Variants in ADGRL2 observed in about 807,000 individuals in gnomAD.
ADGRL2 encodes calcium-independent alpha-latrotoxin receptor 2.
In ADGRL2, 44 loss-of-function variants were observed where a neutral mutation model predicts 157.4. The ratio of observed to expected loss-of-function variants is 0.28; its 90% CI spans 0.22 to 0.36. The LOEUF is 0.36. Ranked by LOEUF, ADGRL2 falls within the 10% of genes least tolerant of loss-of-function variation. ADGRL2 has a pLI of 1.00. For missense variants in ADGRL2, 1,510 were observed against 1,768.9 expected (o/e 0.85, Z 2.63); for synonymous variants, 585 against 624.7 (o/e 0.94, Z 0.95).
At chr1:81,486,977 T>A (rs558863532) in intron 2 of ADGRL2, among the ~76,000 whole-genome samples, 2 of 150,458 alleles carry the variant, frequency 1.3e-5, no homozygotes, top group South Asian at 4.2e-4. Flanking sequence ...AAAAGTGGGC[T>A]GGGCATGGTG....
intron 1 of ADGRL2, among the ~76,000 whole-genome samples, chr1:81,809,219 T>C (rs2089545933): frequency 6.6e-6 from 1 of 152,004 alleles, no homozygotes; most frequent in Admixed American, 6.6e-5. Flanking sequence ...AAATTAGTTA[T>C]CTTAAAAGAA....
intron 3 of ADGRL2, among the ~76,000 whole-genome samples, chr1:81,664,641 C>T (rs943065093): frequency 3.3e-5 from 5 of 152,114 alleles, no homozygotes; most frequent in African/African-American, 1.2e-4. Context: ...AAAGAACACA[C>T]GCTGAAGTTT....
chr1:81,944,887 G>A (rs1649294257), intron 6 of ADGRL2, among the ~76,000 whole-genome samples: 1 of 151,940 alleles, frequency 6.6e-6, no homozygotes, highest in Admixed American at 6.6e-5. Flanking sequence ...CATACGGTCA[G>A]GACCTCAAAA....
chr1:81,987,064 T>G (rs776299034), intron 22 of ADGRL2, 35 bp downstream of exon 22: 2 of 1,606,338 alleles, frequency 1.2e-6, no homozygotes, highest in Admixed American at 3.4e-5. Flanking sequence ...TACCTTTCTT[T>G]GCTGCTAAAC....
intron 11 of ADGRL2, 121 bp from the exon 12 acceptor site, chr1:81,965,937 G>A (rs1656908608): frequency 9.8e-7 from 1 of 1,023,426 alleles, no homozygotes; most frequent in Admixed American, 2.5e-5. Flanking sequence ...AAACCTAACA[G>A]TAAAATTTTT....
intron 2 of ADGRL2, among the ~76,000 whole-genome samples, chr1:81,845,438 A>T (rs1487148779): frequency 1.3e-5 from 2 of 152,040 alleles, no homozygotes; most frequent in Non-Finnish European, 2.9e-5. Context: ...CTATGTGCAC[A>T]CATTGATGAC....
chr1:81,966,434 G>A lies in ADGRL2; in HGVS notation c.2174G>A (p.Arg725Gln), dbSNP rs538105960. Residue 725 changes from arginine to glutamine, a missense_variant, in exon 13 of 24, where the codon CGG becomes CAG. Physicochemically the swap from Arg to Gln is conservative, Grantham distance 43 (BLOSUM62 1). This residue lies in a region of ADGRL2 where 497 missense variants were observed against 627.2 expected (regional missense o/e 0.79). Coordinates refer to ENST00000686636, the MANE Select transcript of ADGRL2 (RefSeq NM_001366006.2). ...GLAKLVFIIY[R>Q]SLGQFLSTEN... ...GCAAAGTTGGTGTTCATCATTTACC[G>A]GAGCCTGGGACAGTTCCTTAGTACA... 25 of 1,613,898 alleles carry A rather than the reference G, an allele frequency of 1.5e-5. No individual in the cohort carries two copies. The highest frequency in any genetic ancestry group is 6.7e-5 in the Admixed American group (4 of 59,996).
intron 2 of ADGRL2, among the ~76,000 whole-genome samples, chr1:81,474,950 T>TAGTTCCTAACCTTTTCTAAGA (rs1553168256): frequency 2.6e-5 from 4 of 152,160 alleles, no homozygotes; most frequent in Non-Finnish European, 5.9e-5. Context: ...GCCACCAGTA[T>TAGTTCCTAACCTTTTCTAAGA]AGTTCCTAAC....
intron 1 of ADGRL2, among the ~76,000 whole-genome samples, chr1:81,333,047 G>A (rs960085594): frequency 6.6e-6 from 1 of 152,074 alleles, no homozygotes; most frequent in African/African-American, 2.4e-5. Context: ...TATAACTTTG[G>A]GCAAATCATG....
chr1:81,863,076 T>C (rs549019463), intron 2 of ADGRL2, among the ~76,000 whole-genome samples: 2 of 152,300 alleles, frequency 1.3e-5, no homozygotes, highest in East Asian at 1.9e-4. Flanking sequence ...TTAAAAATTT[T>C]ATGGGGGAGT....
chr1:81,505,944 G>A (rs1271743416), intron 2 of ADGRL2: 2 of 249,928 alleles, frequency 8.0e-6, no homozygotes, highest in Non-Finnish European at 1.6e-5. Context: ...CAAATACTCT[G>A]CAAAGATCAT....
intron 3 of ADGRL2, among the ~76,000 whole-genome samples, chr1:81,672,448 AC>A (rs1326787002): frequency 6.6e-6 from 1 of 152,242 alleles, no homozygotes; most frequent in Non-Finnish European, 1.5e-5. Flanking sequence ...CTAAAAAAGC[AC>A]TTGGCATAGA....
intron 1 of ADGRL2, among the ~76,000 whole-genome samples, chr1:81,407,953 T>C (rs1327526064): frequency 6.6e-6 from 1 of 152,238 alleles, no homozygotes; most frequent in Non-Finnish European, 1.5e-5. Context: ...TTTGTTTGTT[T>C]GTTTCACTAT....
chr1:81,764,467 C>G (rs1240363308), intron 2 of ADGRL2, among the ~76,000 whole-genome samples: 1 of 152,070 alleles, frequency 6.6e-6, no homozygotes, highest in East Asian at 1.9e-4. Context: ...AAAAAAGTCT[C>G]TAGCATGCAT....
chr1:81,765,268 T>A (rs2086073897), intron 2 of ADGRL2, among the ~76,000 whole-genome samples: 1 of 152,018 alleles, frequency 6.6e-6, no homozygotes, highest in Non-Finnish European at 1.5e-5. Flanking sequence ...AATGTTTAAA[T>A]ATATAATTTC....
At chr1:81,437,818 T>C (rs1442214885) in intron 1 of ADGRL2, among the ~76,000 whole-genome samples, 1 of 152,202 alleles carries the variant, frequency 6.6e-6, no homozygotes, top group Non-Finnish European at 1.5e-5. Context: ...ATGACAATAA[T>C]AGAACTGAAT....
chr1:81,650,356 G>A (rs1557536390), intron 3 of ADGRL2, among the ~76,000 whole-genome samples: 1 of 151,882 alleles, frequency 6.6e-6, no homozygotes, highest in Non-Finnish European at 1.5e-5. Flanking sequence ...AGGATCACAA[G>A]GTCAAGAGAT....
At chr1:81,470,495 A>AG (rs2078148888) in intron 2 of ADGRL2, among the ~76,000 whole-genome samples, 1 of 152,030 alleles carries the variant, frequency 6.6e-6, no homozygotes, top group Non-Finnish European at 1.5e-5. Context: ...TTGCTAGGTC[A>AG]CCACCTTGAA....
At chr1:81,769,617 G>A (rs536478113) in intron 2 of ADGRL2, among the ~76,000 whole-genome samples, 2 of 151,590 alleles carry the variant, frequency 1.3e-5, no homozygotes, top group Admixed American at 1.3e-4. Context: ...TATCTAATAA[G>A]TTCTCTCTTG....
Sources: allele counts gnomAD v4.1 joint callset (sites outside exome capture counted in the v4.1 genomes callset), GRCh38; gene constraint gnomAD v4.1.1; regional missense constraint gnomAD v4.1.1; transcripts MANE v1.5; gene names NCBI Gene and HGNC (gene_info 2026-07-23, HGNC 2026-07-21).